Variants in PTPN14 observed in about 807,000 individuals in gnomAD.
PTPN14 encodes the protein protein tyrosine phosphatase non-receptor type 14.
A neutral mutation model predicts 126.8 loss-of-function variants in PTPN14; 53 were observed. That is an observed-to-expected ratio of 0.42 (90% CI 0.34 to 0.53). The LOEUF is 0.53. Ranked by LOEUF, PTPN14 falls within the 20% of genes least tolerant of loss-of-function variation. The pLI is 0.08. For missense variants in PTPN14, 1,257 were observed against 1,552.9 expected (o/e 0.81, Z 3.20); for synonymous variants, 630 against 599.3 (o/e 1.05, Z -0.75).
chr1:214,545,662 T>C (rs1655952123), intron 1 of PTPN14, among the ~76,000 whole-genome samples: 1 of 152,044 alleles, frequency 6.6e-6, no homozygotes, highest in Admixed American at 6.5e-5. Flanking sequence ...TAATGACTGA[T>C]GGGATTTGTT....
intron 1 of PTPN14, among the ~76,000 whole-genome samples, chr1:214,501,393 C>T (rs1395314148): frequency 2.6e-5 from 4 of 152,124 alleles, no homozygotes; most frequent in Admixed American, 2.6e-4. Flanking sequence ...GTGCCCACCA[C>T]CACACCCTGC....
Position 214,364,769 on chromosome 1 carries a change from G to A in PTPN14, c.3272-94C>T. On this transcript the variant is annotated intron_variant, in intron 17 of 18. Transcript: ENST00000366956. The surrounding 1 kb of genome is among the most constrained non-coding windows in gnomAD (Gnocchi z 4.1). ...GAGCGGAAGAGAACTGATGGTGAGTGTGTGTGTGTGTGTGTGTGTGTGTGT... is the reference window on the plus strand; with the variant it reads ...GAGCGGAAGAGAACTGATGGTGAGTATGTGTGTGTGTGTGTGTGTGTGTGT... The A allele has an allele frequency of 2.7e-6, 1 of 370,500 alleles. No individual in the cohort carries two copies. Among genetic ancestry groups the A allele is most frequent in the Non-Finnish European group, 4.5e-6 (1 of 220,244 alleles). 23.0% of individuals were successfully genotyped at this position (370,500 alleles called of 1,614,324 possible).
intron 1 of PTPN14, among the ~76,000 whole-genome samples, chr1:214,501,473 C>G (rs188713644): frequency 2.0e-3 from 311 of 152,076 alleles, no homozygotes; most frequent in African/African-American, 7.3e-3. Flanking sequence ...AACTCCTGAC[C>G]TCAAGTGATC....
intron 1 of PTPN14, among the ~76,000 whole-genome samples, chr1:214,487,116 T>C (rs550033127): frequency 1.5e-4 from 23 of 152,286 alleles, no homozygotes; most frequent in Admixed American, 3.3e-4. Context: ...CCAATTCCTA[T>C]ACTAAAACAA....
intron 1 of PTPN14, among the ~76,000 whole-genome samples, chr1:214,547,857 G>A (rs896312051): frequency 1.3e-5 from 2 of 151,128 alleles, no homozygotes; most frequent in Non-Finnish European, 2.9e-5. Flanking sequence ...CCTCTTGTAG[G>A]AGGAGCCACA....
Position 214,449,304 on chromosome 1 carries a change from C to A in PTPN14, c.344+2501G>T, listed in dbSNP as rs373480959. On this transcript the variant is annotated intron_variant, in intron 3 of 18. Coordinates refer to ENST00000366956, the MANE Select transcript of PTPN14 (RefSeq NM_005401.5). ...TACAGGCGTGAGCCACCGCGCCCGG[C>A]CGACTTAATTTTTCTAAGCTTAAAC... Among the ~76,000 whole-genome samples the A allele has an allele frequency of 2.0e-5, 3 of 152,152 alleles. No homozygotes were observed. In the East Asian group the frequency reaches 5.8e-4, roughly 29 times the overall value.
At chr1:214,506,904 C>T (rs1386847322) in intron 1 of PTPN14, among the ~76,000 whole-genome samples, 5 of 139,332 alleles carry the variant, frequency 3.6e-5, no homozygotes, top group Non-Finnish European at 5.9e-5. Context: ...CTAACAAGAG[C>T]GCGGGTTTTT....
At chr1:214,412,455 C>T (rs1356564282) in intron 4 of PTPN14, among the ~76,000 whole-genome samples, 4 of 152,154 alleles carry the variant, frequency 2.6e-5, no homozygotes, top group African/African-American at 9.7e-5. Flanking sequence ...AGGATACACA[C>T]ACCATGCACC....
At chr1:214,497,028 A>G (rs1291115809) in intron 1 of PTPN14, among the ~76,000 whole-genome samples, 1 of 152,164 alleles carries the variant, frequency 6.6e-6, no homozygotes, top group East Asian at 1.9e-4. Flanking sequence ...TTTATTAAAT[A>G]AATTAAAACT....
rs146015696 is a variant in PTPN14 at position 214,387,605 on chromosome 1, G to A, written c.988-683C>T. Among the ~76,000 whole-genome samples, 1,050 of 151,754 alleles carry A rather than the reference G, an allele frequency of 6.9e-3. 10 individuals carry two copies. The highest frequency in any genetic ancestry group is 0.01 in the Non-Finnish European group (700 of 67,936). On this transcript the variant is annotated intron_variant, in intron 11 of 18. Coordinates refer to ENST00000366956, the MANE Select transcript of PTPN14 (RefSeq NM_005401.5). The stretch of plus-strand genomic sequence containing the variant: ...GAGGCGTGAGAGTCGTTGAACCTGG[G>A]CGGCGGAGGTTGCAGTAAGCCAAGA...
chr1:214,522,038 G>A (rs577165242), intron 1 of PTPN14, among the ~76,000 whole-genome samples: 1 of 148,696 alleles, frequency 6.7e-6, no homozygotes, highest in African/African-American at 2.5e-5. Context: ...CCAGGTTCAA[G>A]CAGTTCTCCT....
chr1:214,525,232 G>A (rs534617261), intron 1 of PTPN14, among the ~76,000 whole-genome samples: 13 of 152,272 alleles, frequency 8.5e-5, no homozygotes, highest in African/African-American at 3.1e-4. Flanking sequence ...TTTCCACAGT[G>A]GAGCAAAACT....
Position 214,464,955 on chromosome 1 carries a change from T to C in PTPN14, c.-152A>G, listed in dbSNP as rs965319463. On this transcript the variant is annotated splice_region_variant and 5_prime_UTR_variant, in exon 2 of 19. Transcript: ENST00000366956. ...ATGCCCAGTGTGGCCCTCTGGAAGA[T>C]AGCTGTAAATGCAAAAGAAATGCCA... The C allele has an allele frequency of 9.6e-5, 87 of 903,056 alleles. No individual in the cohort carries two copies. The highest frequency in any genetic ancestry group is 8.8e-4 in the African/African-American group (52 of 59,196). 55.9% of individuals were successfully genotyped at this position (903,056 alleles called of 1,614,324 possible). A position where few individuals can be genotyped will look rare whatever the true frequency, so the allele number is the denominator to read the frequency against.
At chr1:214,395,736 G>T (rs1376619151) in intron 8 of PTPN14, among the ~76,000 whole-genome samples, 1 of 151,770 alleles carries the variant, frequency 6.6e-6, no homozygotes, top group African/African-American at 2.4e-5. Context: ...CATCCTACTT[G>T]GAACCAATTT....
intron 1 of PTPN14, among the ~76,000 whole-genome samples, chr1:214,544,257 CA>C (rs1361999948): frequency 6.6e-6 from 1 of 152,046 alleles, no homozygotes; most frequent in African/African-American, 2.4e-5. Flanking sequence ...AGGGAGACTC[CA>C]TCTGTACAAA....
In PTPN14 at chr1:214,355,128, T is replaced by C. The variant is rs569279749; in HGVS notation, c.*2794A>G. 1 of 152,376 alleles carries C rather than the reference T, an allele frequency of 6.6e-6. No individual in the cohort carries two copies. The highest frequency in any genetic ancestry group is 1.9e-4 in the East Asian group (1 of 5,184). 9.4% of individuals were successfully genotyped at this position (152,376 alleles called of 1,614,324 possible). The stretch of plus-strand genomic sequence containing the variant: ...GGAACAACTCTTAAATGTTTTCTTT[T>C]GGGTTTCAATATAAACTTTGGCTAG... On this transcript the variant is annotated 3_prime_UTR_variant, in exon 19 of 19. Coordinates refer to ENST00000366956, the MANE Select transcript of PTPN14 (RefSeq NM_005401.5).
chr1:214,542,563 G>A (rs531396781), intron 1 of PTPN14, among the ~76,000 whole-genome samples: 1 of 152,288 alleles, frequency 6.6e-6, no homozygotes, highest in African/African-American at 2.4e-5. Flanking sequence ...CAGGACACAG[G>A]GCACAGTGAG....
At position 214,460,799 on chromosome 1, in the gene PTPN14, G is replaced by C. The variant is rs4655253; in HGVS notation, c.174+3831C>G. On this transcript the variant is annotated intron_variant, in intron 2 of 18. Transcript: ENST00000366956. ...CTGGTTTCTGGGAGCAGGGACCCTA[G>C]CACATTCAGCTTTCCCAGAGCATGA... Among the ~76,000 whole-genome samples, 582 of 152,176 alleles carry C rather than the reference G, an allele frequency of 3.8e-3. 7 individuals carry two copies. The highest frequency in any genetic ancestry group is 0.014 in the African/African-American group (564 of 41,516).
In PTPN14 at chr1:214,542,873, C is replaced by T. The variant is rs555555993; in HGVS notation, c.-155+8310G>A. Among the ~76,000 whole-genome samples, 15 of 152,218 alleles carry T rather than the reference C, an allele frequency of 9.9e-5. No homozygotes were observed. The South Asian group carries it at 2.5e-3, about 25-fold the overall frequency. Reference sequence around the variant, plus strand: ...CTTAAACATCAAGCTGAAGTATATACGTAATTCATGACAAATTCACTTTCA... The same window carrying T: ...CTTAAACATCAAGCTGAAGTATATATGTAATTCATGACAAATTCACTTTCA... On this transcript the variant is annotated intron_variant, in intron 1 of 18. Transcript: ENST00000366956.
Sources: gnomAD v4.1 joint callset for allele counts (sites outside exome capture counted in the v4.1 genomes callset) on GRCh38, gnomAD v4.1.1 for gene constraint, Gnocchi (gnomAD v3.1) non-coding constraint, MANE v1.5 for transcripts, NCBI Gene and HGNC (gene_info 2026-07-23, HGNC 2026-07-21) for gene names.